FGF12: variants seen among roughly 807,000 people sequenced by gnomAD.
FGF12 encodes the protein fibroblast growth factor 12B.
Under a neutral mutation model 23.6 loss-of-function variants are expected in FGF12, and 14 were observed. The observed-to-expected ratio is 0.59, with a 90% CI of 0.39 to 0.93. The LOEUF is 0.93. FGF12 is among the 40% of genes least tolerant of loss of function. FGF12 has a pLI of 0.00. For missense variants in FGF12, 175 were observed against 217.8 expected (o/e 0.80, Z 1.24); for synonymous variants, 62 against 77.3 (o/e 0.80, Z 1.04).
chr3:192,380,837 C>T (rs190125949), intron 2 of FGF12, among the ~76,000 whole-genome samples: 123 of 151,998 alleles, frequency 8.1e-4, no homozygotes, highest in African/African-American at 2.7e-3. Flanking sequence ...GCAAACCCCA[C>T]GTAAGTATTT....
chr3:192,667,769 G>A (rs889470000), intron 2 of FGF12, among the ~76,000 whole-genome samples: 5 of 152,066 alleles, frequency 3.3e-5, no homozygotes, highest in Non-Finnish European at 7.4e-5. Context: ...TGGTAGAGAA[G>A]ACGGGTATAA....
intron 2 of FGF12, among the ~76,000 whole-genome samples, chr3:192,410,906 C>T (rs1252738063): frequency 1.3e-5 from 2 of 152,192 alleles, no homozygotes; most frequent in Non-Finnish European, 2.9e-5. Flanking sequence ...GCATTAATCA[C>T]CCTCCATTTA....
rs141066657 is a variant in FGF12 at position 192,265,643 on chromosome 3, G to GT, written c.228+69717dup. ...TTTAACTTTCAATATCTATAAATGA[G>GT]TTTTTTTTTTAACACAGCCATGCTC... On this transcript the variant is annotated intron_variant, in intron 4 of 5. Coordinates refer to ENST00000445105, the MANE Select transcript of FGF12 (RefSeq NM_004113.6). Among the ~76,000 whole-genome samples the GT allele has an allele frequency of 5.7e-3, 853 of 149,372 alleles. 4 individuals are homozygous for GT. Among genetic ancestry groups the GT allele is most frequent in the African/African-American group, 0.017 (703 of 40,894 alleles).
chr3:192,623,254 G>C (rs556927875), intron 2 of FGF12, among the ~76,000 whole-genome samples: 2 of 152,196 alleles, frequency 1.3e-5, no homozygotes, highest in African/African-American at 4.8e-5. Context: ...ACAGAGGGGG[G>C]TATCATCTTT....
intron 4 of FGF12, among the ~76,000 whole-genome samples, chr3:192,244,560 T>C (rs931258952): frequency 2.0e-5 from 3 of 152,160 alleles, no homozygotes; most frequent in African/African-American, 7.2e-5. Context: ...ATTGTAATAT[T>C]GATAGCCTAT....
chr3:192,215,143 T>C (rs971379079), intron 4 of FGF12, among the ~76,000 whole-genome samples: 3 of 152,212 alleles, frequency 2.0e-5, no homozygotes, highest in Non-Finnish European at 4.4e-5. Flanking sequence ...CATCAAAGCT[T>C]CATCCTTACT....
intron 4 of FGF12, among the ~76,000 whole-genome samples, chr3:192,227,006 AG>A (rs1432356409): frequency 3.3e-5 from 5 of 152,132 alleles, no homozygotes; most frequent in African/African-American, 9.7e-5. Context: ...GCAGCACAAA[AG>A]GGCCGTCCAA....
intron 3 of FGF12, among the ~76,000 whole-genome samples, chr3:192,342,887 A>G (rs1717761766): frequency 6.6e-6 from 1 of 152,180 alleles, no homozygotes; most frequent in Non-Finnish European, 1.5e-5. Context: ...ACCTGTACAC[A>G]CCATATTATT....
chr3:192,560,869 G>C lies in FGF12; in HGVS notation c.13+166312C>G, dbSNP rs541765611. ...GCAAATTAATATTCTCATACACATA[G>C]ATGTGAAAGAGTAATAAAATTCTAG... On this transcript the variant is annotated intron_variant, in intron 2 of 5. Transcript: ENST00000445105. 1.8e-4 allele frequency among the ~76,000 whole-genome samples: 27 copies of C among 152,204 alleles called. No homozygotes were observed. In the South Asian group the frequency reaches 5.2e-3, roughly 29 times the overall value.
At chr3:192,398,588 A>C (rs1219713552) in intron 2 of FGF12, among the ~76,000 whole-genome samples, 1 of 151,956 alleles carries the variant, frequency 6.6e-6, no homozygotes, top group East Asian at 1.9e-4. Context: ...CACCATGTTG[A>C]CCAGACTGGT....
At chr3:192,529,492 C>T (rs534254691) in intron 2 of FGF12, among the ~76,000 whole-genome samples, 1 of 152,308 alleles carries the variant, frequency 6.6e-6, no homozygotes, top group South Asian at 2.1e-4. Flanking sequence ...CCAAACTGTT[C>T]CAATCTCTGC....
At chr3:192,169,540 T>C (rs1040858682) in intron 5 of FGF12, among the ~76,000 whole-genome samples, 1 of 152,126 alleles carries the variant, frequency 6.6e-6, no homozygotes, top group African/African-American at 2.4e-5. Context: ...GCACCAGGCA[T>C]TGTGTACACT....
At chr3:192,412,868 A>G (rs1214783015) in intron 2 of FGF12, among the ~76,000 whole-genome samples, 2 of 152,242 alleles carry the variant, frequency 1.3e-5, no homozygotes, top group African/African-American at 4.8e-5. Flanking sequence ...AGGTTAAACT[A>G]ACAACCAGGT....
chr3:192,148,900 A>C (rs186325114), intron 5 of FGF12, among the ~76,000 whole-genome samples: 43 of 152,292 alleles, frequency 2.8e-4, no homozygotes. Context: ...GTGGCCACTG[A>C]GCACGTACAA....
chr3:192,456,340 C>T (rs2108804472), intron 2 of FGF12, among the ~76,000 whole-genome samples: 1 of 152,276 alleles, frequency 6.6e-6, no homozygotes, highest in Admixed American at 6.5e-5. Flanking sequence ...AGGCAGAGGT[C>T]ATCTGAGACT....
At chr3:192,548,847 G>T (rs750116335) in intron 2 of FGF12, among the ~76,000 whole-genome samples, 3 of 151,676 alleles carry the variant, frequency 2.0e-5, no homozygotes, top group Non-Finnish European at 4.4e-5. Flanking sequence ...CTAAAAAATG[G>T]AAAGGAAAGC....
chr3:192,676,490 C>G (rs1003391835), intron 2 of FGF12, among the ~76,000 whole-genome samples: 3 of 152,232 alleles, frequency 2.0e-5, no homozygotes, highest in Non-Finnish European at 2.9e-5. Context: ...CTTTCTAACT[C>G]TTTCCATGTA....
intron 2 of FGF12, among the ~76,000 whole-genome samples, chr3:192,581,486 G>A (rs938905110): frequency 1.7e-4 from 25 of 144,590 alleles, no homozygotes; most frequent in African/African-American, 2.8e-4. Flanking sequence ...GTGTGTGTGT[G>A]TATATATATA....
chr3:192,422,056 T>C (rs1181527059), intron 2 of FGF12, among the ~76,000 whole-genome samples: 2 of 151,766 alleles, frequency 1.3e-5, no homozygotes, highest in Non-Finnish European at 2.9e-5. Context: ...TGGCTTTTGG[T>C]ATTTTTTTTT....
Sources: gnomAD v4.1 joint callset for allele counts (sites outside exome capture counted in the v4.1 genomes callset) on GRCh38, gnomAD v4.1.1 for gene constraint, MANE v1.5 for transcripts, NCBI Gene and HGNC (gene_info 2026-07-23, HGNC 2026-07-21) for gene names.